HABP2: variants seen among roughly 807,000 people sequenced by gnomAD.
The protein encoded by HABP2 is hyaluronan binding protein 2.
HABP2 carries 65 observed loss-of-function variants against 66.5 expected under a neutral mutation model. That is an observed-to-expected ratio of 0.98 (90% CI 0.80 to 1.20). The LOEUF is 1.20. Among genes scored for constraint, HABP2 ranks in the 50% most tolerant of loss-of-function variants. The pLI is 0.00. For synonymous variants in HABP2, 263 were observed against 253.9 expected (o/e 1.04, Z -0.34); for missense variants, 786 against 691.0 (o/e 1.14, Z -1.54).
intron 10 of HABP2, among the ~76,000 whole-genome samples, 171 bp from the exon 11 acceptor site, chr10:113,583,977 C>T (rs1304974214): frequency 6.6e-6 from 1 of 152,200 alleles, no homozygotes; most frequent in Admixed American, 6.5e-5. Context: ...TGAAGTGTTA[C>T]TCCTTCCTGG....
At position 113,588,661 on chromosome 10, in the gene HABP2, A is replaced by G. The variant is rs1845725589; in HGVS notation, c.*292A>G. The stretch of plus-strand genomic sequence containing the variant: ...CCTTCTAGAAAATCAGTGTTCACAG[A>G]GACTGCCTCCACCACAGGCATCCTG... On this transcript the variant is annotated 3_prime_UTR_variant, in exon 13 of 13. Transcript: ENST00000351270. The G allele has an allele frequency of 1.7e-5, 9 of 532,968 alleles. 1 individual carries two copies. The South Asian group carries it at 2.7e-4, about 16-fold the overall frequency. 33.0% of individuals were successfully genotyped at this position (532,968 alleles called of 1,614,324 possible). A position where few individuals can be genotyped will look rare whatever the true frequency, so the allele number is the denominator to read the frequency against.
chr10:113,578,700 G>A lies in HABP2; in HGVS notation c.642G>A (p.Ala214=), dbSNP rs192809610. Residue 214 remains alanine (A), a synonymous_variant, in exon 7 of 13, where the codon GCG becomes GCA. Coordinates refer to ENST00000351270, the MANE Select transcript of HABP2 (RefSeq NM_004132.5). Reference sequence around the variant, plus strand: ...TGAATAGGACAGTCAACCAGCATGCGTGCCTTTACTGGAACTCCCACCTCC... The same window carrying A: ...TGAATAGGACAGTCAACCAGCATGCATGCCTTTACTGGAACTCCCACCTCC... ...GKMNRTVNQH[A]CLYWNSHLLL... 20 of 1,609,420 alleles carry A rather than the reference G, an allele frequency of 1.2e-5. No individual in the cohort carries two copies. The highest frequency in any genetic ancestry group is 8.0e-5 in the African/African-American group (6 of 74,890).
intron 1 of HABP2, among the ~76,000 whole-genome samples, chr10:113,557,809 G>T (rs2133741567): frequency 6.6e-6 from 1 of 152,338 alleles, no homozygotes; most frequent in African/African-American, 2.4e-5. Context: ...ACATTTGCCA[G>T]ATGTGGCATG....
upstream of HABP2, among the ~76,000 whole-genome samples, chr10:113,551,530 G>A (rs766464593): frequency 6.6e-6 from 1 of 152,220 alleles, no homozygotes. Flanking sequence ...CTACAGCCAG[G>A]CGCAGTGGCT....
At chr10:113,555,041 C>T (rs564563355) in intron 1 of HABP2, among the ~76,000 whole-genome samples, 5 of 152,272 alleles carry the variant, frequency 3.3e-5, no homozygotes, top group South Asian at 2.1e-4. Context: ...GAGTTTGGGG[C>T]GTCATGGGGG....
rs199727283 is a variant in HABP2 at position 113,578,152 on chromosome 10, G to C, written c.568+7G>C. On this transcript the variant is annotated splice_region_variant and intron_variant, in intron 6 of 12. Transcript: ENST00000351270. Reference sequence around the variant, plus strand: ...GGGAAATTCTGTGAAATAGGTATGGGTCTCTGCCACCATCAGGGCCACAAG... The same window carrying C: ...GGGAAATTCTGTGAAATAGGTATGGCTCTCTGCCACCATCAGGGCCACAAG... 1.9e-6 allele frequency: 3 copies of C among 1,614,014 alleles called. No individual in the cohort carries two copies. The highest frequency in any genetic ancestry group is 1.7e-5 in the Admixed American group (1 of 60,024).
At chr10:113,578,907 A>G (rs1486363339) in intron 7 of HABP2, 109 bp downstream of exon 7, 5 of 746,940 alleles carry the variant, frequency 6.7e-6, no homozygotes, top group South Asian at 1.7e-5. Flanking sequence ...TCAGCAAGGC[A>G]ATGTTATGCT....
chr10:113,572,045 G>T (rs546476638), intron 2 of HABP2, among the ~76,000 whole-genome samples: 208 of 152,300 alleles, frequency 1.4e-3, no homozygotes, highest in East Asian at 3.9e-3. Context: ...AAATGGAAAG[G>T]ATCTTTGTGA....
At chr10:113,552,326 G>T (rs1045803292), upstream of HABP2, among the ~76,000 whole-genome samples, 3 of 152,160 alleles carry the variant, frequency 2.0e-5, no homozygotes, top group African/African-American at 7.2e-5. Context: ...GAGATCAATT[G>T]TGTCCACAAG....
intron 1 of HABP2, among the ~76,000 whole-genome samples, chr10:113,553,949 G>T (rs1003826351): frequency 6.6e-6 from 1 of 152,190 alleles, no homozygotes; most frequent in Non-Finnish European, 1.5e-5. Context: ...CACAGAAATA[G>T]AGTCTCCTTG....
intron 1 of HABP2, among the ~76,000 whole-genome samples, chr10:113,557,688 G>A (rs1032592978): frequency 6.6e-5 from 10 of 152,114 alleles, no homozygotes; most frequent in African/African-American, 1.2e-4. Flanking sequence ...CGGCTCTTCC[G>A]GCACTCTGAG....
At chr10:113,587,650 G>C (rs999046234) in intron 12 of HABP2, among the ~76,000 whole-genome samples, 16 of 151,980 alleles carry the variant, frequency 1.1e-4, no homozygotes, top group African/African-American at 3.9e-4. Context: ...CATCATCCTC[G>C]CCACCTTCCG....
intron 12 of HABP2, among the ~76,000 whole-genome samples, chr10:113,586,480 G>T (rs866145741): frequency 0.21 from 29,307 of 139,894 alleles, 3,802 homozygotes; most frequent in East Asian, 0.35. Context: ...GTGTGTGGGG[G>T]GGGGGGGGGT....
Position 113,588,416 on chromosome 10 carries a change from C to T in HABP2, c.*47C>T. The T allele has an allele frequency of 2.0e-6, 3 of 1,492,816 alleles. No homozygotes were observed. The highest frequency in any genetic ancestry group is 2.7e-6 in the Non-Finnish European group (3 of 1,092,264). 92.5% of individuals were successfully genotyped at this position (1,492,816 alleles called of 1,614,324 possible). ...GAGCCCACTCTCCTTGGCACCCTGA[C>T]ACCGGGAGGCCTCATGGCCAACAAT... On this transcript the variant is annotated 3_prime_UTR_variant, in exon 13 of 13. Transcript: ENST00000351270.
chr10:113,564,889 C>A (rs1845170139), intron 1 of HABP2, among the ~76,000 whole-genome samples: 2 of 152,132 alleles, frequency 1.3e-5, no homozygotes, highest in African/African-American at 4.8e-5. Flanking sequence ...CTCTGTAGCC[C>A]AGGCTGGAGT....
chr10:113,583,026 T>C (rs1423751074), intron 9 of HABP2, among the ~76,000 whole-genome samples, 190 bp from the exon 10 acceptor site: 1 of 152,228 alleles, frequency 6.6e-6, no homozygotes, highest in Non-Finnish European at 1.5e-5. Context: ...ATAGCTTATA[T>C]TTGGAGCTTG....
Position 113,589,228 on chromosome 10 carries a change from A to C in HABP2, c.*859A>C. The C allele has an allele frequency of 1.6e-6, 1 of 626,076 alleles. No homozygotes were observed. Among genetic ancestry groups the C allele is most frequent in the South Asian group, 2.1e-5 (1 of 47,554 alleles). 38.8% of individuals were successfully genotyped at this position (626,076 alleles called of 1,614,324 possible). A position where few individuals can be genotyped will look rare whatever the true frequency, so the allele number is the denominator to read the frequency against. On this transcript the variant is annotated 3_prime_UTR_variant, in exon 13 of 13. Coordinates refer to ENST00000351270, the MANE Select transcript of HABP2 (RefSeq NM_004132.5). ...TTTCCCCTCTTCTACCCTCCCCAAG[A>C]AAAAGGGCCTTCAAGGCAGGAATGA...
At position 113,567,502 on chromosome 10, in the gene HABP2, C is replaced by G. The variant is rs1845222049; in HGVS notation, c.83C>G (p.Ser28Cys). 6.8e-6 allele frequency: 11 copies of G among 1,612,508 alleles called. No individual in the cohort carries two copies. The highest frequency in any genetic ancestry group is 9.3e-6 in the Non-Finnish European group (11 of 1,178,504). The part of the protein sequence containing the change: ...GKTACGFSLM[S>C]LLESLDPDWT... ...TTTGTTTTTCAGTTCTCCCTGATGT[C>G]TTTATTGGAAAGCCTGGACCCAGGT... Residue 28 changes from serine to cysteine, a missense_variant, in exon 2 of 13, where the codon TCT becomes TGT. Transcript: ENST00000351270.
chr10:113,588,345 C>T lies in HABP2; in HGVS notation c.1659C>T (p.Thr553=). Residue 553 remains threonine, a synonymous_variant, in exon 13 of 13, where the codon ACC becomes ACT. Coordinates refer to ENST00000351270, the MANE Select transcript of HABP2 (RefSeq NM_004132.5). ...VTKFLNWIKA[T]IKSESGF ...AATTCCTGAATTGGATCAAAGCCAC[C>T]ATCAAAAGTGAAAGTGGCTTCTAAG... 6.2e-7 allele frequency: 1 copy of T among 1,613,268 alleles called. No homozygotes were observed. Among genetic ancestry groups the T allele is most frequent in the Non-Finnish European group, 8.5e-7 (1 of 1,179,566 alleles).
Sources: allele counts gnomAD v4.1 joint callset (sites outside exome capture counted in the v4.1 genomes callset), GRCh38; gene constraint gnomAD v4.1.1; transcripts MANE v1.5; gene names NCBI Gene and HGNC (gene_info 2026-07-23, HGNC 2026-07-21).